Variants in NELL1 observed in about 807,000 individuals in gnomAD.
NELL1 encodes protein kinase C-binding protein NELL1.
Under a neutral mutation model 107.4 loss-of-function variants are expected in NELL1, and 76 were observed. That is an observed-to-expected ratio of 0.71 (90% CI 0.59 to 0.86). NELL1 has a LOEUF of 0.86. Among genes scored for constraint, NELL1 ranks in the 40% least tolerant of loss-of-function variants. The probability of loss-of-function intolerance (pLI) is 0.00; values close to 1 mark genes in which losing one functional copy is unlikely to be tolerated. For missense variants in NELL1, 1,024 were observed against 1,005.5 expected (o/e 1.02, Z -0.25); for synonymous variants, 353 against 341.2 (o/e 1.03, Z -0.38).
intron 15 of NELL1, among the ~76,000 whole-genome samples, chr11:21,511,414 C>G (rs980583377): frequency 6.6e-6 from 1 of 152,150 alleles, no homozygotes; most frequent in Non-Finnish European, 1.5e-5. Context: ...GCCATTCTCA[C>G]CAACGGCAAT....
intron 4 of NELL1, among the ~76,000 whole-genome samples, chr11:20,881,616 G>A (rs1279923924): frequency 6.6e-6 from 1 of 152,202 alleles, no homozygotes; most frequent in East Asian, 1.9e-4. Flanking sequence ...TGGCTGTTAT[G>A]TCTGCTCTTT....
At chr11:20,997,597 G>C (rs756078729) in intron 12 of NELL1, among the ~76,000 whole-genome samples, 2 of 152,194 alleles carry the variant, frequency 1.3e-5, no homozygotes, top group Non-Finnish European at 2.9e-5. Context: ...GTTAATATAA[G>C]GGGAAACTGT....
chr11:21,492,929 T>C (rs1330561898), intron 15 of NELL1, among the ~76,000 whole-genome samples: 2 of 151,884 alleles, frequency 1.3e-5, no homozygotes, highest in Non-Finnish European at 2.9e-5. Context: ...GCTAAGCCCA[T>C]AATAGACATT....
chr11:21,197,625 G>C (rs1857183743), intron 13 of NELL1, among the ~76,000 whole-genome samples: 1 of 152,056 alleles, frequency 6.6e-6, no homozygotes. Context: ...CTGCAAAATT[G>C]CCCCTTCTTG....
At chr11:21,049,509 G>C (rs551821913) in intron 12 of NELL1, among the ~76,000 whole-genome samples, 2 of 152,160 alleles carry the variant, frequency 1.3e-5, no homozygotes, top group South Asian at 4.2e-4. Context: ...CCAGAAACTT[G>C]TAAGGTCTGT....
chr11:21,498,616 T>G (rs558388207), intron 15 of NELL1, among the ~76,000 whole-genome samples: 2 of 151,960 alleles, frequency 1.3e-5, no homozygotes, highest in Non-Finnish European at 2.9e-5. Flanking sequence ...TCAATTAATA[T>G]TCTTACAGAA....
At chr11:20,940,148 G>T (rs1295003138) in intron 10 of NELL1, among the ~76,000 whole-genome samples, 15 of 151,894 alleles carry the variant, frequency 9.9e-5, no homozygotes. Flanking sequence ...TCTCTGTCTG[G>T]TGTGCTCGCT....
At chr11:20,940,296 G>C (rs780384156) in intron 10 of NELL1, among the ~76,000 whole-genome samples, 2 of 149,932 alleles carry the variant, frequency 1.3e-5, no homozygotes, top group Non-Finnish European at 3.0e-5. Flanking sequence ...GTCTCGCTCT[G>C]TCTCCCAGGC....
At chr11:20,806,147 T>A (rs1408140630) in intron 3 of NELL1, among the ~76,000 whole-genome samples, 2 of 151,240 alleles carry the variant, frequency 1.3e-5, no homozygotes, top group Non-Finnish European at 2.9e-5. Flanking sequence ...TTTTATCAGA[T>A]TGAAGAACTC....
At chr11:21,145,257 T>C (rs1855952750) in intron 13 of NELL1, among the ~76,000 whole-genome samples, 1 of 152,164 alleles carries the variant, frequency 6.6e-6, no homozygotes, top group Non-Finnish European at 1.5e-5. Context: ...AATGGAGAAA[T>C]TAAGACTTAG....
intron 15 of NELL1, among the ~76,000 whole-genome samples, chr11:21,440,797 G>A (rs185289673): frequency 2.0e-5 from 3 of 152,224 alleles, no homozygotes; most frequent in African/African-American, 7.2e-5. Context: ...GTATTGGGTA[G>A]GAACAAAGAT....
Position 21,570,879 on chromosome 11 carries a change from G to T in NELL1, c.2096G>T (p.Gly699Val). The change falls in exon 18 of 20, where the codon GGT (glycine) becomes GTT (valine). Residue 699 changes from glycine (G) to valine (V), a missense_variant. Gly to Val is a moderately radical substitution (Grantham distance 109). Transcript: ENST00000357134. ...RVTSQCLDQN[G>V]HKLYRSGDNW... is the part of the protein sequence containing the mutation. Reference sequence around the variant, plus strand: ...ACAAGTCAATGTTTAGACCAAAATGGTCACAAGCTGTATCGAAGTGGAGAC... The same window carrying T: ...ACAAGTCAATGTTTAGACCAAAATGTTCACAAGCTGTATCGAAGTGGAGAC... 2 of 1,611,912 alleles carry T rather than the reference G, an allele frequency of 1.2e-6. 1 individual carries two copies. Among genetic ancestry groups the T allele is most frequent in the South Asian group, 2.2e-5 (2 of 90,986 alleles).
chr11:21,554,765 A>C lies in NELL1; in HGVS notation c.1787-5424A>C, dbSNP rs145899519. ...AATGGGACCAAGACTCAGAGATGTT[A>C]GGTAAATTTTTAGAGTCGTACAACT... is the stretch of plus-strand genomic sequence containing the variant. On this transcript the variant is annotated intron_variant, in intron 16 of 19. Transcript: ENST00000357134. 3.7e-3 allele frequency among the ~76,000 whole-genome samples: 558 copies of C among 151,954 alleles called. 6 individuals are homozygous for C. The highest frequency in any genetic ancestry group is 0.013 in the African/African-American group (533 of 41,518).
At chr11:21,318,989 G>C (rs1386668034) in intron 14 of NELL1, among the ~76,000 whole-genome samples, 3 of 151,850 alleles carry the variant, frequency 2.0e-5, no homozygotes, top group Admixed American at 6.6e-5. Context: ...GATTAAATGA[G>C]GTAATACTTG....
In NELL1 at chr11:21,258,341, A is replaced by C. The variant is rs151321333; in HGVS notation, c.1549+28887A>C. 4.2e-3 allele frequency among the ~76,000 whole-genome samples: 645 copies of C among 152,154 alleles called. 4 individuals carry two copies. Among genetic ancestry groups the C allele is most frequent in the African/African-American group, 0.015 (613 of 41,550 alleles). ...CAATTGAAATTCTAGTTCTGTAGCT[A>C]ATTAGCACTGTTGTCTTGGTAAAGT... is the stretch of plus-strand genomic sequence containing the variant. On this transcript the variant is annotated intron_variant, in intron 14 of 19. Coordinates refer to ENST00000357134, the MANE Select transcript of NELL1 (RefSeq NM_006157.5).
At chr11:21,270,236 G>T (rs2133933678) in intron 14 of NELL1, among the ~76,000 whole-genome samples, 1 of 152,084 alleles carries the variant, frequency 6.6e-6, no homozygotes, top group African/African-American at 2.4e-5. Flanking sequence ...CCAATTAAAA[G>T]ATACAGAATA....
chr11:20,838,732 T>G (rs912250073), intron 3 of NELL1, among the ~76,000 whole-genome samples: 1 of 152,164 alleles, frequency 6.6e-6, no homozygotes, highest in African/African-American at 2.4e-5. Context: ...TAATATTTCT[T>G]CTTTAAGCAT....
chr11:21,564,972 C>G (rs112178250), intron 17 of NELL1, among the ~76,000 whole-genome samples: 1 of 151,892 alleles, frequency 6.6e-6, no homozygotes, highest in Admixed American at 6.6e-5. Flanking sequence ...CCACAAGGAG[C>G]AGTCAGCATA....
At chr11:20,822,080 C>A (rs1245681193) in intron 3 of NELL1, among the ~76,000 whole-genome samples, 1 of 152,088 alleles carries the variant, frequency 6.6e-6, no homozygotes, top group East Asian at 1.9e-4. Flanking sequence ...CCTGAGTGTC[C>A]CCAAGTCAGT....
Sources: allele counts gnomAD v4.1 joint callset (sites outside exome capture counted in the v4.1 genomes callset), GRCh38; gene constraint gnomAD v4.1.1; transcripts MANE v1.5; gene names NCBI Gene and HGNC (gene_info 2026-07-23, HGNC 2026-07-21).